Variants in MYCBP observed in about 807,000 individuals in gnomAD.
MYCBP encodes C-Myc-binding protein.
A neutral mutation model predicts 16.8 loss-of-function variants in MYCBP; 5 were observed. The observed-to-expected ratio is 0.30, with a 90% CI of 0.16 to 0.63. The LOEUF is 0.63. MYCBP is among the 20% of genes least tolerant of loss of function. The pLI is 0.83. For synonymous variants in MYCBP, 35 were observed against 43.7 expected (o/e 0.80, Z 0.79); for missense variants, 103 against 121.8 (o/e 0.85, Z 0.73).
chr1:38,870,809 A>AAC (rs1642446647), intron 2 of MYCBP, among the ~76,000 whole-genome samples: 1 of 143,044 alleles, frequency 7.0e-6, no homozygotes, highest in African/African-American at 2.9e-5. Context: ...CAAAAAAAAA[A>AAC]AAAAAAAAAA....
At chr1:38,866,737 G>A (rs1642348617) in intron 4 of MYCBP, 143 bp downstream of exon 4, 2 of 722,456 alleles carry the variant, frequency 2.8e-6, no homozygotes, top group African/African-American at 1.8e-5. Flanking sequence ...TTCTTGACAG[G>A]GCATAACTTT....
intron 3 of MYCBP, 51 bp from the exon 4 acceptor site, chr1:38,867,060 A>G: frequency 6.6e-7 from 1 of 1,521,666 alleles, no homozygotes; most frequent in Non-Finnish European, 9.0e-7. Flanking sequence ...AAACTAATGA[A>G]ATAGCACAGA....
At chr1:38,869,106 G>C (rs1024091896) in intron 2 of MYCBP, among the ~76,000 whole-genome samples, 5 of 72,278 alleles carry the variant, frequency 6.9e-5, no homozygotes, top group Non-Finnish European at 1.4e-4. Context: ...TTTTTTTTTT[G>C]AGATAGAGTT....
At chr1:38,867,304 G>A (rs1642362001) in intron 3 of MYCBP, among the ~76,000 whole-genome samples, 1 of 152,042 alleles carries the variant, frequency 6.6e-6, no homozygotes, top group Admixed American at 6.6e-5. Context: ...AAATTAGCTG[G>A]GTGTGATGGT....
chr1:38,870,040 G>A (rs1046508381), intron 2 of MYCBP, among the ~76,000 whole-genome samples: 2 of 151,338 alleles, frequency 1.3e-5, no homozygotes, highest in Non-Finnish European at 2.9e-5. Context: ...CATGGTGGCA[G>A]GCACCTGTAG....
chr1:38,864,838 T>A, intron 4 of MYCBP, 124 bp from the exon 5 acceptor site: 1 of 816,442 alleles, frequency 1.2e-6, no homozygotes, highest in Non-Finnish European at 2.0e-6. Flanking sequence ...TATCAGTTTC[T>A]ATAACTATCC....
intron 2 of MYCBP, among the ~76,000 whole-genome samples, chr1:38,870,648 C>T (rs1279449220): frequency 1.3e-5 from 2 of 149,460 alleles, no homozygotes; most frequent in African/African-American, 4.9e-5. Context: ...AAAAAATTAG[C>T]CGGGCGCGGT....
chr1:38,867,078 C>T, intron 3 of MYCBP, 69 bp from the exon 4 acceptor site: 1 of 1,423,930 alleles, frequency 7.0e-7, no homozygotes, highest in Non-Finnish European at 9.7e-7. Flanking sequence ...AGAGTAGTAT[C>T]AATATCCCTG....
rs780772466 is a variant in MYCBP at position 38,864,200 on chromosome 1, GAGC to G, written c.*467_*469del. ...TATTTGTTCCATGTCACACAAACAAGAGCAGAAGATTCATGGGAACCCGTACAA... is the reference window on the plus strand; with the variant it reads ...TATTTGTTCCATGTCACACAAACAAGAGAAGATTCATGGGAACCCGTACAA... On this transcript the variant is annotated 3_prime_UTR_variant, in exon 5 of 5. Transcript: ENST00000397572. The G allele has an allele frequency of 7.0e-5, 11 of 156,538 alleles. No individual in the cohort carries two copies. Among genetic ancestry groups the G allele is most frequent in the Non-Finnish European group, 1.1e-4 (8 of 70,726 alleles). 9.7% of individuals were successfully genotyped at this position (156,538 alleles called of 1,614,324 possible). A position where few individuals can be genotyped will look rare whatever the true frequency, so the allele number is the denominator to read the frequency against.
Position 38,864,400 on chromosome 1 carries a change from C to T in MYCBP, c.*270G>A. The T allele has an allele frequency of 2.1e-6, 1 of 477,454 alleles. No individual in the cohort carries two copies. Among genetic ancestry groups the T allele is most frequent in the Non-Finnish European group, 3.8e-6 (1 of 262,080 alleles). 29.6% of individuals were successfully genotyped at this position (477,454 alleles called of 1,614,324 possible). A position where few individuals can be genotyped will look rare whatever the true frequency, so the allele number is the denominator to read the frequency against. On this transcript the variant is annotated 3_prime_UTR_variant, in exon 5 of 5. Coordinates refer to ENST00000397572, the MANE Select transcript of MYCBP (RefSeq NM_012333.5). ...ACCAGTGCCATCATTCCTAATCAGA[C>T]TAATAAACAGAATGTCTTTTAAGGT...
chr1:38,873,149 T>C, intron 1 of MYCBP, 59 bp from the exon 2 acceptor site: 1 of 1,551,706 alleles, frequency 6.4e-7, no homozygotes. Flanking sequence ...AAGAAGGCGC[T>C]GGGAGTCCGG....
intron 2 of MYCBP, among the ~76,000 whole-genome samples, chr1:38,868,369 G>C (rs1325261132): frequency 6.6e-6 from 1 of 152,146 alleles, no homozygotes; most frequent in African/African-American, 2.4e-5. Context: ...AGTTTGTTTT[G>C]CTAAATAACC....
At chr1:38,872,891 C>T (rs1466544547) in intron 2 of MYCBP, 127 bp downstream of exon 2, 20 of 1,138,922 alleles carry the variant, frequency 1.8e-5, no homozygotes, top group Non-Finnish European at 2.2e-5. Flanking sequence ...CCGAGGCCCA[C>T]CTCGCTGGAC....
Position 38,873,104 on chromosome 1 carries a change from G to A in MYCBP, c.16-14C>T, listed in dbSNP as rs1340806640. Reference sequence around the variant, plus strand: ...CGAGTCGGCGGCCTGAAGAGACACCGGGGGTCAGTGGCCAGAGCCCGGGAG... The same window carrying A: ...CGAGTCGGCGGCCTGAAGAGACACCAGGGGTCAGTGGCCAGAGCCCGGGAG... On this transcript the variant is annotated splice_polypyrimidine_tract_variant and intron_variant, in intron 1 of 4. Coordinates refer to ENST00000397572, the MANE Select transcript of MYCBP (RefSeq NM_012333.5). 50 of 1,556,562 alleles carry A rather than the reference G, an allele frequency of 3.2e-5. No individual in the cohort carries two copies. The highest frequency in any genetic ancestry group is 4.3e-5 in the Non-Finnish European group (50 of 1,150,152).
intron 3 of MYCBP, among the ~76,000 whole-genome samples, chr1:38,867,215 G>C (rs1453206923): frequency 6.6e-6 from 1 of 152,136 alleles, no homozygotes; most frequent in Admixed American, 6.5e-5. Context: ...GGGAGGCTGA[G>C]GTGGGCACAT....
At chr1:38,868,718 A>G (rs1271334337) in intron 2 of MYCBP, among the ~76,000 whole-genome samples, 2 of 152,162 alleles carry the variant, frequency 1.3e-5, no homozygotes, top group East Asian at 1.9e-4. Context: ...ATCCTGGCTA[A>G]CACAGTGAAA....
chr1:38,870,516 G>A (rs536776790), intron 2 of MYCBP, among the ~76,000 whole-genome samples: 8 of 151,848 alleles, frequency 5.3e-5, no homozygotes, highest in African/African-American at 1.2e-4. Flanking sequence ...AATAGAGGCC[G>A]GGCGCGGTGG....
chr1:38,864,719 G>A lies in MYCBP; in HGVS notation c.268-5C>T. 1 of 1,613,550 alleles carries A rather than the reference G, an allele frequency of 6.2e-7. No homozygotes were observed. Among genetic ancestry groups the A allele is most frequent in the Non-Finnish European group, 8.5e-7 (1 of 1,179,574 alleles). On this transcript the variant is annotated splice_region_variant and splice_polypyrimidine_tract_variant and intron_variant, in intron 4 of 4. Coordinates refer to ENST00000397572, the MANE Select transcript of MYCBP (RefSeq NM_012333.5). ...AGGTGGTTCATACTGAGCAAGCTAT[G>A]GGGCAAAGACAGAGGAATTTAGGTG...
intron 4 of MYCBP, among the ~76,000 whole-genome samples, chr1:38,865,613 G>A (rs957275187): frequency 6.6e-6 from 1 of 152,056 alleles, no homozygotes; most frequent in African/African-American, 2.4e-5. Context: ...ACCAGCCAGG[G>A]CAACATAATG....
Sources: allele counts gnomAD v4.1 joint callset (sites outside exome capture counted in the v4.1 genomes callset), GRCh38; gene constraint gnomAD v4.1.1; transcripts MANE v1.5; gene names NCBI Gene and HGNC (gene_info 2026-07-23, HGNC 2026-07-21).